Variants in PLXNA4 observed in about 807,000 individuals in gnomAD.
PLXNA4 encodes plexin A4.
Under a neutral mutation model 191.8 loss-of-function variants are expected in PLXNA4, and 44 were observed. The observed-to-expected ratio is 0.23, with a 90% CI of 0.18 to 0.29. The LOEUF (loss-of-function observed/expected upper bound fraction) is 0.29, where lower values mean the gene tolerates loss of function less well. PLXNA4 is among the 10% of genes least tolerant of loss of function. PLXNA4 has a pLI of 1.00. For synonymous variants in PLXNA4, 1,082 were observed against 1,009.5 expected, an observed-to-expected ratio of 1.07 and a Z score of -1.36; for missense variants, 1,800 against 2,488.8, an observed-to-expected ratio of 0.72 and a Z score of 5.89.
At chr7:132,194,331 G>T in intron 13 of PLXNA4, 152 bp from the exon 14 acceptor site, 1 of 1,303,180 alleles carries the variant, frequency 7.7e-7, no homozygotes, top group Non-Finnish European at 1.0e-6. Flanking sequence ...ATTCCTCCTA[G>T]CAGGGGCTTC....
intron 3 of PLXNA4, among the ~76,000 whole-genome samples, chr7:132,360,966 T>C (rs1803915802): frequency 6.6e-6 from 1 of 152,250 alleles, no homozygotes; most frequent in South Asian, 2.1e-4. Context: ...GTTTGCAGAA[T>C]GCATGGTAAA....
At chr7:132,599,015 A>G (rs1802768016) in intron 2 of PLXNA4, among the ~76,000 whole-genome samples, 1 of 152,180 alleles carries the variant, frequency 6.6e-6, no homozygotes, top group Admixed American at 6.5e-5. Context: ...CAAATCTGTT[A>G]ATTAAATAGT....
chr7:132,617,266 G>A (rs1011383181), intron 2 of PLXNA4, among the ~76,000 whole-genome samples: 2 of 152,118 alleles, frequency 1.3e-5, no homozygotes, highest in Admixed American at 1.3e-4. Flanking sequence ...GTGCCACAGA[G>A]GAAAAGCACG....
chr7:132,510,406 G>T (rs1461322138), intron 1 of PLXNA4, among the ~76,000 whole-genome samples: 2 of 152,208 alleles, frequency 1.3e-5, no homozygotes, highest in African/African-American at 4.8e-5. Flanking sequence ...ACTGGTTAGT[G>T]GAACACACCA....
At chr7:132,587,631 G>A (rs1050375944) in intron 2 of PLXNA4, among the ~76,000 whole-genome samples, 1 of 152,076 alleles carries the variant, frequency 6.6e-6, no homozygotes, top group Non-Finnish European at 1.5e-5. Flanking sequence ...AATGCTTTGG[G>A]GGTAATTCCT....
intron 3 of PLXNA4, among the ~76,000 whole-genome samples, chr7:132,334,252 CTTTTTTTTTTTTTT>C (rs71529758): frequency 1.3e-5 from 1 of 75,608 alleles, no homozygotes; most frequent in Non-Finnish European, 2.4e-5. Flanking sequence ...TTCTTTCTTT[CTTTTTTTTTTTTTT>C]TTTTTTTTTG....
chr7:132,527,419 T>G (rs1262969503), intron 1 of PLXNA4, among the ~76,000 whole-genome samples: 2 of 151,700 alleles, frequency 1.3e-5, no homozygotes, highest in African/African-American at 4.9e-5. Flanking sequence ...CCATCCCCAT[T>G]GAGCAGATGA....
At chr7:132,191,771 C>CATCTCTCTCTCTCTCTCT (rs1797095400) in intron 14 of PLXNA4, among the ~76,000 whole-genome samples, 1 of 40,754 alleles carries the variant, frequency 2.5e-5, no homozygotes, top group South Asian at 1.3e-3. Flanking sequence ...CTCCTCTCTC[C>CATCTCTCTCTCTCTCTCT]ATCTCTCTCT....
chr7:132,564,027 CCTCCTTCTCCTCCTT>C (rs1801573157), intron 1 of PLXNA4, among the ~76,000 whole-genome samples: 1 of 29,202 alleles, frequency 3.4e-5, no homozygotes, highest in Non-Finnish European at 6.6e-5. Flanking sequence ...TCCTTCTCCT[CCTCCTTCTCCTCCTT>C]TTCCTCCCCC....
chr7:132,489,353 G>A lies in PLXNA4; in HGVS notation c.1310C>T (p.Ala437Val), dbSNP rs1287932116. Residue 437 changes from alanine to valine, a missense_variant, in exon 3 of 32, where the codon GCA (alanine) becomes GTA (valine). By Grantham distance (64) the Ala-to-Val change is moderately conservative. Around this residue, in one of 6 missense-constraint regions of PLXNA4, gnomAD observed 1,397 missense variants for 1,880.4 expected, o/e 0.74. Transcript: ENST00000321063. The part of the protein sequence containing the change: ...EDRDRMTSVI[A>V]YVYKNHSLAF... The stretch of plus-strand genomic sequence containing the variant: ...CAGAGAGTGGTTCTTGTAGACATAT[G>A]CGATGACAGACGTCATGCGGTCCCT... 1 of 1,605,722 alleles carries A rather than the reference G, an allele frequency of 6.2e-7. No individual in the cohort carries two copies. The highest frequency in any genetic ancestry group is 1.3e-5 in the African/African-American group (1 of 74,936).
rs145309967 is a variant in PLXNA4 at position 132,623,145 on chromosome 7, C to T, written c.-87+22783G>A. On this transcript the variant is annotated intron_variant, in intron 2 of 4. Coordinates refer to the PLXNA4 transcript ENST00000378539. ...GGATCACCTGAGGTCTGGAGTTCAG[C>T]CGTGCCCAACATGGTGAAACCCTGT... 5.5e-3 allele frequency among the ~76,000 whole-genome samples: 831 copies of T among 152,052 alleles called. 7 individuals are homozygous for T. The highest frequency in any genetic ancestry group is 0.027 in the Middle Eastern group (8 of 294).
intron 4 of PLXNA4, among the ~76,000 whole-genome samples, chr7:132,266,773 G>C (rs1339119756): frequency 6.6e-6 from 1 of 152,190 alleles, no homozygotes; most frequent in African/African-American, 2.4e-5. Context: ...TTCCATCCAA[G>C]GGTGCCTTAG....
In PLXNA4 at chr7:132,145,085, C is replaced by T. The variant is rs369856710; in HGVS notation, c.5225+34G>A. 7.4e-6 allele frequency: 12 copies of T among 1,613,148 alleles called. No homozygotes were observed. In the African/African-American group the frequency reaches 1.5e-4, roughly 20 times the overall value. ...AACTTGAGGCTGGGTGGGCTCAGGGCTCCCGATGTGCCCCCTGCCCTCCCT... is the reference window on the plus strand; with the variant it reads ...AACTTGAGGCTGGGTGGGCTCAGGGTTCCCGATGTGCCCCCTGCCCTCCCT... On this transcript the variant is annotated intron_variant, in intron 29 of 31. Transcript: ENST00000321063.
intron 3 of PLXNA4, among the ~76,000 whole-genome samples, chr7:132,468,782 G>A (rs1796808498): frequency 6.6e-6 from 1 of 151,492 alleles, no homozygotes; most frequent in Admixed American, 6.6e-5. Flanking sequence ...ATTTATGCAC[G>A]ACTGTTACAT....
intron 1 of PLXNA4, among the ~76,000 whole-genome samples, chr7:132,527,984 C>G (rs969655119): frequency 1.6e-4 from 24 of 152,330 alleles, no homozygotes; most frequent in African/African-American, 5.8e-4. Flanking sequence ...CAGAAACCAC[C>G]TTACAAGGGC....
At chr7:132,387,771 G>A (rs746213324) in intron 3 of PLXNA4, among the ~76,000 whole-genome samples, 4 of 152,164 alleles carry the variant, frequency 2.6e-5, no homozygotes, top group African/African-American at 4.8e-5. Context: ...CGCAGAGACA[G>A]CAGGATGTTT....
chr7:132,302,183 C>T lies in PLXNA4; in HGVS notation c.1372-3961G>A, dbSNP rs1053916139. ...CTGCATGGAGAAGTAACTAGTGTTA[C>T]GACTAGTCTCATTTAATATTTTTTA... On this transcript the variant is annotated intron_variant, in intron 3 of 31. Transcript: ENST00000321063. Among the ~76,000 whole-genome samples, 9 of 152,134 alleles carry T rather than the reference C, an allele frequency of 5.9e-5. No homozygotes were observed. In the East Asian group the frequency reaches 7.7e-4, roughly 13 times the overall value.
intron 1 of PLXNA4, among the ~76,000 whole-genome samples, chr7:132,559,733 C>A (rs1228320633): frequency 6.6e-6 from 1 of 152,234 alleles, no homozygotes; most frequent in Non-Finnish European, 1.5e-5. Context: ...TCTCCTACAA[C>A]AAATGAAGAC....
chr7:132,561,736 CCTCCTCCTTCTTCTCCTCCTCCTCCTT>C (rs1801107231), intron 1 of PLXNA4, among the ~76,000 whole-genome samples: 2 of 140,590 alleles, frequency 1.4e-5, no homozygotes, highest in African/African-American at 5.5e-5. Flanking sequence ...TCTTCCTCCT[CCTCCTCCTTCTTCTCCTCCTCCTCCTT>C]CTCCTCCTTC....
Sources: gnomAD v4.1 joint callset for allele counts (sites outside exome capture counted in the v4.1 genomes callset) on GRCh38, gnomAD v4.1.1 for gene constraint, gnomAD v4.1.1 regional missense constraint, MANE v1.5 for transcripts, NCBI Gene and HGNC (gene_info 2026-07-23, HGNC 2026-07-21) for gene names.